PGM2: variants seen among roughly 807,000 people sequenced by gnomAD.
PGM2 encodes the protein phosphoglucomutase 2, also known as phosphopentomutase.
Under a neutral mutation model 74.6 loss-of-function variants are expected in PGM2, and 57 were observed. The observed-to-expected ratio is 0.76, with a 90% CI of 0.62 to 0.95. PGM2 has a LOEUF of 0.95. Among genes scored for constraint, PGM2 ranks in the 40% least tolerant of loss-of-function variants. The probability of loss-of-function intolerance (pLI) is 0.00; values close to 1 mark genes in which losing one functional copy is unlikely to be tolerated. For synonymous variants in PGM2, 273 were observed against 260.7 expected (o/e 1.05, Z -0.46); for missense variants, 706 against 741.9 (o/e 0.95, Z 0.56).
chr4:37,826,897 T>G, intron 1 of PGM2, 84 bp downstream of exon 1: 3 of 829,820 alleles, frequency 3.6e-6, no homozygotes, highest in Non-Finnish European at 1.9e-6. Flanking sequence ...TTGCTCTGCC[T>G]GAGCTGCCTT....
Position 37,847,035 on chromosome 4 carries a change from A to T in PGM2, c.1112A>T (p.Asp371Val), listed in dbSNP as rs144871946. 9 of 1,613,576 alleles carry T rather than the reference A, an allele frequency of 5.6e-6. No homozygotes were observed. The African/African-American group carries it at 1.2e-4, about 22-fold the overall frequency. The change falls in exon 9 of 14, where the codon GAC becomes GTC. Residue 371 changes from aspartate to valine, a missense_variant. Physicochemically the swap from Asp to Val is radical, Grantham distance 152 (BLOSUM62 -3). Coordinates refer to ENST00000381967, the MANE Select transcript of PGM2 (RefSeq NM_018290.4). ...EKNQDRSALK[D>V]TYMLSSTVSS... ...AACCAGGATCGCAGTGCTCTCAAAGACACGTACATGTTGTCCAGCACCGTC... is the reference window on the plus strand; with the variant it reads ...AACCAGGATCGCAGTGCTCTCAAAGTCACGTACATGTTGTCCAGCACCGTC...
chr4:37,851,561 A>G (rs192275413), intron 12 of PGM2, among the ~76,000 whole-genome samples: 20 of 152,232 alleles, frequency 1.3e-4, no homozygotes, highest in African/African-American at 4.3e-4. Context: ...TCTTTGTTCT[A>G]TTTTTCATTT....
intron 1 of PGM2, among the ~76,000 whole-genome samples, chr4:37,827,604 A>G (rs1334370647): frequency 6.6e-6 from 1 of 152,114 alleles, no homozygotes; most frequent in Non-Finnish European, 1.5e-5. Context: ...GTAGAGAGTC[A>G]GTCCTTCCTT....
rs190249796 is a variant in PGM2 at position 37,832,238 on chromosome 4, A to G, written c.249+2107A>G. On this transcript the variant is annotated intron_variant, in intron 2 of 13. Transcript: ENST00000381967. ...GGAGACAGAGATGTGAAGAGTTAAGAAAGTTTTATCTGAGCAGCAAGTATA... is the reference window on the plus strand; with the variant it reads ...GGAGACAGAGATGTGAAGAGTTAAGGAAGTTTTATCTGAGCAGCAAGTATA... Among the ~76,000 whole-genome samples, 25 of 152,348 alleles carry G rather than the reference A, an allele frequency of 1.6e-4. No individual in the cohort carries two copies. The East Asian group carries it at 4.4e-3, about 27-fold the overall frequency.
At chr4:37,858,439 C>T (rs1711628219) in intron 13 of PGM2, among the ~76,000 whole-genome samples, 1 of 151,398 alleles carries the variant, frequency 6.6e-6, no homozygotes. Context: ...TGGGTTCAAG[C>T]GATTCTTGTG....
At chr4:37,848,052 A>G (rs1725926735) in intron 10 of PGM2, among the ~76,000 whole-genome samples, 1 of 152,204 alleles carries the variant, frequency 6.6e-6, no homozygotes, top group Non-Finnish European at 1.5e-5. Flanking sequence ...TTCATTTATC[A>G]AGTATTAATT....
chr4:37,839,430 C>A (rs945754577), intron 4 of PGM2: 1 of 391,684 alleles, frequency 2.6e-6, no homozygotes, highest in African/African-American at 2.1e-5. Context: ...GTGTTTTCCT[C>A]AATGTTTTCC....
At chr4:37,826,863 T>G (rs1206392900) in intron 1 of PGM2, 50 bp downstream of exon 1, 1 of 1,197,814 alleles carries the variant, frequency 8.3e-7, no homozygotes, top group African/African-American at 1.5e-5. Flanking sequence ...CCGGGTGCTC[T>G]GCCCTCTCCA....
At chr4:37,841,055 T>C (rs1184163833) in intron 6 of PGM2, among the ~76,000 whole-genome samples, 1 of 135,880 alleles carries the variant, frequency 7.4e-6, no homozygotes, top group East Asian at 2.2e-4. Context: ...CCAAAAATTT[T>C]CTGTGCATAT....
chr4:37,842,156 TATATATAC>T (rs1163696572), intron 6 of PGM2, among the ~76,000 whole-genome samples: 1 of 148,808 alleles, frequency 6.7e-6, no homozygotes, highest in Non-Finnish European at 1.5e-5. Context: ...TTGTTTATAA[TATATATAC>T]ATATATACAT....
chr4:37,861,483 TG>T, intron 13 of PGM2, 26 bp from the exon 14 acceptor site: 2 of 1,484,162 alleles, frequency 1.3e-6, no homozygotes, highest in Non-Finnish European at 1.9e-6. Context: ...TCCCTTGACC[TG>T]GATTTTTTTC....
intron 6 of PGM2, among the ~76,000 whole-genome samples, chr4:37,842,543 ATCTT>A (rs920255441): frequency 2.9e-5 from 3 of 103,810 alleles, no homozygotes; most frequent in South Asian, 2.9e-4. Context: ...CAATGGAAGA[ATCTT>A]TCTTTTTTTT....
intron 4 of PGM2, among the ~76,000 whole-genome samples, chr4:37,838,155 A>G (rs1410196845): frequency 4.6e-5 from 7 of 152,178 alleles, no homozygotes; most frequent in Non-Finnish European, 2.9e-5. Flanking sequence ...TGCTGGGATT[A>G]CAGGCATGAG....
chr4:37,851,970 C>CTTTCTTTTTTT lies in PGM2; in HGVS notation c.1602+1600_1602+1601insCTTTTTTTTTT, dbSNP rs374297092. Among the ~76,000 whole-genome samples, 19 of 135,056 alleles carry CTTTCTTTTTTT rather than the reference C, an allele frequency of 1.4e-4. 2 individuals carry two copies. The highest frequency in any genetic ancestry group is 6.8e-4 in the South Asian group (3 of 4,386). The allele number at this position is 135,056 out of a possible 152,430, so 88.6% of individuals were successfully genotyped here. On this transcript the variant is annotated intron_variant, in intron 12 of 13. Coordinates refer to ENST00000381967, the MANE Select transcript of PGM2 (RefSeq NM_018290.4). ...CCTGTACCTTTTGTTTGTTTGTTTT[C>CTTTCTTTTTTT]TTTTTTTTTGGAGACAGGGTCTTGC...
At chr4:37,827,051 G>T (rs1417618768) in intron 1 of PGM2, among the ~76,000 whole-genome samples, 2 of 152,384 alleles carry the variant, frequency 1.3e-5, no homozygotes, top group East Asian at 3.9e-4. Flanking sequence ...CCATCCGGCC[G>T]GCCGGACTGC....
At chr4:37,826,950 GC>G in intron 1 of PGM2, 137 bp downstream of exon 1, 1 of 589,294 alleles carries the variant, frequency 1.7e-6, no homozygotes. Flanking sequence ...AGACCCAGGA[GC>G]GTACGGCCGC....
chr4:37,834,823 C>T, intron 3 of PGM2, 99 bp downstream of exon 3: 4 of 586,068 alleles, frequency 6.8e-6, no homozygotes, highest in Non-Finnish European at 1.2e-5. Flanking sequence ...ATTCATTAGC[C>T]TCATTGCTTA....
At chr4:37,855,545 A>G (rs6842360) in intron 12 of PGM2, 63 bp from the exon 13 acceptor site, 1,051,649 of 1,396,384 alleles carry the variant, frequency 0.75, 398,606 homozygotes, top group African/African-American at 0.88. Flanking sequence ...CTTATGCAAG[A>G]GAAGATATTG....
intron 13 of PGM2, among the ~76,000 whole-genome samples, chr4:37,861,150 G>A (rs1711757419): frequency 6.6e-6 from 1 of 152,042 alleles, no homozygotes; most frequent in African/African-American, 2.4e-5. Flanking sequence ...AGGATTTAAT[G>A]GCAACTGACA....
Sources: gnomAD v4.1 joint callset for allele counts (sites outside exome capture counted in the v4.1 genomes callset) on GRCh38, gnomAD v4.1.1 for gene constraint, MANE v1.5 for transcripts, NCBI Gene and HGNC (gene_info 2026-07-23, HGNC 2026-07-21) for gene names.